The following FAM110B variants were observed in gnomAD, a reference collection of about 807,000 sequenced individuals.
The protein encoded by FAM110B is protein FAM110B.
A neutral mutation model predicts 20.4 loss-of-function variants in FAM110B; 6 were observed. The observed-to-expected ratio is 0.29, with a 90% confidence interval of 0.16 to 0.58. The LOEUF (loss-of-function observed/expected upper bound fraction) is 0.58, where lower values mean the gene tolerates loss of function less well. FAM110B is among the 20% of genes least tolerant of loss of function. The probability of loss-of-function intolerance (pLI) is 0.90; values close to 1 mark genes in which losing one functional copy is unlikely to be tolerated. For synonymous variants in FAM110B, 226 were observed against 214.1 expected, an observed-to-expected ratio of 1.06 and a Z score of -0.49; for missense variants, 434 against 498.2, an observed-to-expected ratio of 0.87 and a Z score of 1.23.
chr8:58,095,200 A>C (rs537146199), intron 3 of FAM110B, among the ~76,000 whole-genome samples: 3 of 151,856 alleles, frequency 2.0e-5, no homozygotes, highest in Non-Finnish European at 4.4e-5. Flanking sequence ...CAGCTCCTGG[A>C]TTTACTGATT....
intron 1 of FAM110B, among the ~76,000 whole-genome samples, chr8:58,016,583 C>A (rs1804641863): frequency 1.3e-5 from 2 of 152,298 alleles, no homozygotes; most frequent in Admixed American, 1.3e-4. Context: ...TTTGGCCAGC[C>A]AAGAACCTGA....
chr8:58,135,237 C>T (rs150919076), intron 3 of FAM110B, among the ~76,000 whole-genome samples: 90 of 152,138 alleles, frequency 5.9e-4, no homozygotes, highest in Admixed American at 1.0e-3. Context: ...GGGATGTTCA[C>T]GGGATGGAAC....
Position 57,999,907 on chromosome 8 carries a change from A to T in FAM110B, c.-512+5101A>T, listed in dbSNP as rs188861976. Among the ~76,000 whole-genome samples the T allele has an allele frequency of 4.0e-3, 612 of 152,274 alleles. 6 individuals are homozygous for T. Among genetic ancestry groups the T allele is most frequent in the Non-Finnish European group, 1.3e-3 (87 of 68,028 alleles). On this transcript the variant is annotated intron_variant, in intron 1 of 3. Transcript: ENST00000519262. ...TGTTTGGGCATGTGTGGGACTAAAT[A>T]TATATACACATCCATGAATGTGGAG...
At chr8:58,080,234 C>G (rs530592139) in intron 3 of FAM110B, among the ~76,000 whole-genome samples, 2 of 152,164 alleles carry the variant, frequency 1.3e-5, no homozygotes, top group Non-Finnish European at 2.9e-5. Context: ...GTCATACATG[C>G]AACAGGAAAG....
intron 3 of FAM110B, among the ~76,000 whole-genome samples, chr8:58,123,892 A>T (rs1053522453): frequency 6.6e-6 from 1 of 152,196 alleles, no homozygotes; most frequent in Admixed American, 6.5e-5. Flanking sequence ...GTTAATTAAG[A>T]GTGTTTGTGA....
intron 2 of FAM110B, among the ~76,000 whole-genome samples, chr8:58,074,328 C>A (rs1388910993): frequency 6.6e-6 from 1 of 152,084 alleles, no homozygotes; most frequent in South Asian, 2.1e-4. Flanking sequence ...TCGGTGGGCC[C>A]GTCCATTGCC....
chr8:58,023,042 T>C (rs1472512066), intron 1 of FAM110B, among the ~76,000 whole-genome samples: 2 of 152,206 alleles, frequency 1.3e-5, no homozygotes, highest in Non-Finnish European at 1.5e-5. Flanking sequence ...TAAAGAGAGA[T>C]AAACTTCATC....
chr8:58,118,639 A>T (rs1431718465), intron 3 of FAM110B, among the ~76,000 whole-genome samples: 3 of 152,184 alleles, frequency 2.0e-5, no homozygotes, highest in African/African-American at 7.2e-5. Context: ...GTGCCTTCAC[A>T]CTTTTAGTTA....
At chr8:58,061,624 GA>G (rs139046098) in intron 2 of FAM110B, among the ~76,000 whole-genome samples, 76 of 152,310 alleles carry the variant, frequency 5.0e-4, no homozygotes, top group African/African-American at 1.7e-3. Flanking sequence ...TAAAGTACAA[GA>G]GAGACCCAAG....
chr8:58,020,151 G>A (rs921492888), intron 1 of FAM110B, among the ~76,000 whole-genome samples: 3 of 151,500 alleles, frequency 2.0e-5, no homozygotes, highest in East Asian at 1.9e-4. Flanking sequence ...GCTATTTTAC[G>A]GTTTTTATTT....
At chr8:58,093,967 C>T (rs1806553045) in intron 3 of FAM110B, among the ~76,000 whole-genome samples, 1 of 152,208 alleles carries the variant, frequency 6.6e-6, no homozygotes, top group East Asian at 1.9e-4. Context: ...CCTTCACAGC[C>T]CTTGTAAGTT....
At chr8:58,118,733 T>G (rs1328134279) in intron 3 of FAM110B, among the ~76,000 whole-genome samples, 1 of 152,190 alleles carries the variant, frequency 6.6e-6, no homozygotes, top group East Asian at 1.9e-4. Flanking sequence ...AATCCCCTTT[T>G]GAAACCATAA....
chr8:58,138,023 C>T (rs1343234691), intron 3 of FAM110B, among the ~76,000 whole-genome samples: 2 of 152,244 alleles, frequency 1.3e-5, no homozygotes, highest in Non-Finnish European at 2.9e-5. Flanking sequence ...GCTCCAGCTC[C>T]TCTCCTGCTC....
intron 3 of FAM110B, among the ~76,000 whole-genome samples, chr8:58,141,630 G>A (rs1480971880): frequency 1.3e-5 from 2 of 152,184 alleles, no homozygotes; most frequent in African/African-American, 2.4e-5. Context: ...AGACTAATTA[G>A]GCATTAACTA....
intron 3 of FAM110B, among the ~76,000 whole-genome samples, chr8:58,106,677 G>A (rs566692596): frequency 6.6e-6 from 1 of 152,230 alleles, no homozygotes; most frequent in South Asian, 2.1e-4. Flanking sequence ...TACATTAAAG[G>A]AGTTCTCAGA....
chr8:58,093,526 T>G (rs1394912489), intron 3 of FAM110B, among the ~76,000 whole-genome samples: 1 of 152,226 alleles, frequency 6.6e-6, no homozygotes, highest in Non-Finnish European at 1.5e-5. Flanking sequence ...ATTGCTTATT[T>G]TTGTCAGGCT....
At chr8:57,994,906 G>T (rs538014716) in intron 1 of FAM110B, 100 bp downstream of exon 1, 106 of 152,314 alleles carry the variant, frequency 7.0e-4, no homozygotes, top group African/African-American at 2.5e-3. Context: ...CAATGCGGGA[G>T]CTGCGCGCGG....
At chr8:58,127,094 G>A (rs1408371385) in intron 3 of FAM110B, among the ~76,000 whole-genome samples, 2 of 152,176 alleles carry the variant, frequency 1.3e-5, no homozygotes. Flanking sequence ...AAAGGTATGA[G>A]GTCAACGTTT....
chr8:58,062,937 G>A (rs142154260), intron 2 of FAM110B, among the ~76,000 whole-genome samples: 29 of 152,288 alleles, frequency 1.9e-4, no homozygotes, highest in African/African-American at 3.9e-4. Flanking sequence ...TTGTACCAGC[G>A]CCAACAGAGG....
Sources: gnomAD v4.1 joint callset for allele counts (sites outside exome capture counted in the v4.1 genomes callset) on GRCh38, gnomAD v4.1.1 for gene constraint, MANE v1.5 for transcripts, NCBI Gene and HGNC (gene_info 2026-07-23, HGNC 2026-07-21) for gene names.